The following KCNC4 variants were observed in gnomAD, a reference collection of about 807,000 sequenced individuals.
KCNC4 encodes the protein voltage-gated potassium channel KCNC4.
In KCNC4, 23 loss-of-function variants were observed where a neutral mutation model predicts 42.8. The observed-to-expected ratio is 0.54, with a 90% CI of 0.39 to 0.76. KCNC4 has a LOEUF of 0.76. Among genes scored for constraint, KCNC4 ranks in the 30% least tolerant of loss-of-function variants. The pLI is 0.00. For missense variants in KCNC4, 751 were observed against 898.2 expected, an observed-to-expected ratio of 0.84 and a Z score of 2.10; for synonymous variants, 422 against 393.5, an observed-to-expected ratio of 1.07 and a Z score of -0.86.
At chr1:110,232,467 C>T in intron 3 of KCNC4, 1 of 1,448,524 alleles carries the variant, frequency 6.9e-7, no homozygotes, top group African/African-American at 1.4e-5. Flanking sequence ...CTGTGAGCCA[C>T]AGGCCACATC....
At chr1:110,226,624 C>T (rs1244905485) in intron 3 of KCNC4, among the ~76,000 whole-genome samples, 1 of 152,210 alleles carries the variant, frequency 6.6e-6, no homozygotes, top group African/African-American at 2.4e-5. Context: ...TCAGGGAGCC[C>T]CACACAGGCC....
chr1:110,276,470 C>A (rs1031463985), intron 1 of KCNC4, among the ~76,000 whole-genome samples: 3 of 151,994 alleles, frequency 2.0e-5, no homozygotes, highest in Admixed American at 2.0e-4. Flanking sequence ...GAGAGGGAGC[C>A]CTGCCTAGTC....
exon 4 of KCNC4, chr1:110,239,727 T>G (rs906509240): frequency 1.3e-5 from 2 of 152,202 alleles, no homozygotes; most frequent in Non-Finnish European, 2.9e-5. Context: ...ACATGAACGC[T>G]CTTCTTTTTA....
At chr1:110,254,838 G>A (rs926642504) in intron 1 of KCNC4, among the ~76,000 whole-genome samples, 2 of 152,250 alleles carry the variant, frequency 1.3e-5, no homozygotes, top group Admixed American at 6.5e-5. Context: ...GCCTCTGGGA[G>A]GCCCACAAGA....
rs149856300 is a variant in KCNC4 at position 110,257,969 on chromosome 1, G to T, written n.31-24565G>T. Among the ~76,000 whole-genome samples, 468 of 152,308 alleles carry T rather than the reference G, an allele frequency of 3.1e-3. 2 individuals carry two copies. Among genetic ancestry groups the T allele is most frequent in the African/African-American group, 9.6e-3 (400 of 41,570 alleles). ...CATGCATGCCTGACCTGTCTGCCCC[G>T]TTAGGAGTCTTTCTGCAATCCCATC... On this transcript the variant is annotated intron_variant and non_coding_transcript_variant, in intron 1 of 2. Coordinates refer to the KCNC4 transcript ENST00000412512.
At chr1:110,271,899 G>A (rs1659642994) in intron 1 of KCNC4, among the ~76,000 whole-genome samples, 1 of 152,066 alleles carries the variant, frequency 6.6e-6, no homozygotes, top group Non-Finnish European at 1.5e-5. Context: ...ACACATGAAA[G>A]GCTAAGACTC....
downstream of KCNC4, among the ~76,000 whole-genome samples, chr1:110,252,213 A>G (rs1033771050): frequency 2.6e-5 from 4 of 152,198 alleles, no homozygotes; most frequent in African/African-American, 7.2e-5. Context: ...CTAGCTAGGG[A>G]AGGATGTCCA....
intron 1 of KCNC4, among the ~76,000 whole-genome samples, chr1:110,269,483 C>T (rs1009512064): frequency 6.6e-6 from 1 of 152,138 alleles, no homozygotes; most frequent in African/African-American, 2.4e-5. Flanking sequence ...TTGTTGCAAG[C>T]AGCAGTAGTC....
chr1:110,216,663 A>G (rs950550162), intron 1 of KCNC4, among the ~76,000 whole-genome samples: 1 of 152,122 alleles, frequency 6.6e-6, no homozygotes, highest in Non-Finnish European at 1.5e-5. Flanking sequence ...TGAGGGTAGG[A>G]GACCCTGGGC....
intron 1 of KCNC4, among the ~76,000 whole-genome samples, chr1:110,260,811 T>C (rs1659411631): frequency 6.6e-6 from 1 of 152,206 alleles, no homozygotes; most frequent in South Asian, 2.1e-4. Context: ...GCGCTTGTAG[T>C]CCCAGCTACT....
rs183740896 is a variant in KCNC4, at chr1:110,215,851, C to G, written c.678+3674C>G. Among the ~76,000 whole-genome samples, 552 of 152,326 alleles carry G rather than the reference C, an allele frequency of 3.6e-3. 1 individual carries two copies. Among genetic ancestry groups the G allele is most frequent in the Non-Finnish European group, 5.1e-3 (346 of 68,020 alleles). ...CTTGTGGTAGAACTAGGATCCAAACCTAGGTCTCATCAATCTAAGTCTGTG... is the reference window on the plus strand; with the variant it reads ...CTTGTGGTAGAACTAGGATCCAAACGTAGGTCTCATCAATCTAAGTCTGTG... On this transcript the variant is annotated intron_variant, in intron 1 of 3. Coordinates refer to ENST00000438661, the MANE Select transcript of KCNC4 (RefSeq NM_001039574.3).
At chr1:110,277,331 A>T (rs890091006) in intron 1 of KCNC4, among the ~76,000 whole-genome samples, 1 of 152,248 alleles carries the variant, frequency 6.6e-6, no homozygotes, top group Non-Finnish European at 1.5e-5. Context: ...TTTTAATGCC[A>T]CGGGCAACTC....
At chr1:110,234,669 G>T (rs1658859294), downstream of KCNC4, 1 of 152,216 alleles carries the variant, frequency 6.6e-6, no homozygotes, top group Non-Finnish European at 1.5e-5. Context: ...ACTCAGAAGG[G>T]CCCCATGCTG....
downstream of KCNC4, chr1:110,234,312 T>C (rs1658849428): frequency 6.6e-6 from 1 of 152,078 alleles, no homozygotes; most frequent in African/African-American, 2.4e-5. Flanking sequence ...GCCCCTGCCA[T>C]AACATGGAAG....
rs1411882826 is a variant in KCNC4 at position 110,233,174 on chromosome 1, A to C, written c.*202A>C. 2 of 621,524 alleles carry C rather than the reference A, an allele frequency of 3.2e-6. No individual in the cohort carries two copies. The highest frequency in any genetic ancestry group is 5.5e-5 in the East Asian group (2 of 36,648). 38.5% of individuals were successfully genotyped at this position (621,524 alleles called of 1,614,324 possible). ...TTCTGTTCCATTGTACATCGAAGAG[A>C]TATATATGCACATATAGTATCTATA... On this transcript the variant is annotated 3_prime_UTR_variant, in exon 4 of 4. Coordinates refer to ENST00000438661, the MANE Select transcript of KCNC4 (RefSeq NM_001039574.3).
downstream of KCNC4, chr1:110,236,081 T>G (rs1415930652): frequency 6.6e-6 from 1 of 152,220 alleles, no homozygotes; most frequent in Non-Finnish European, 1.5e-5. Context: ...ATGACCAGTT[T>G]GGTTTGATGA....
At chr1:110,252,350 C>T (rs1193770046), downstream of KCNC4, among the ~76,000 whole-genome samples, 1 of 151,590 alleles carries the variant, frequency 6.6e-6, no homozygotes, top group Non-Finnish European at 1.5e-5. Flanking sequence ...CTCTGAATTC[C>T]TTCCCTACCT....
chr1:110,228,087 A>G (rs911777592), intron 3 of KCNC4, among the ~76,000 whole-genome samples: 7 of 152,076 alleles, frequency 4.6e-5, no homozygotes, highest in African/African-American at 9.7e-5. Flanking sequence ...CAAACTCCCA[A>G]TGCACACTCG....
At chr1:110,277,727 C>T (rs1557876798) in intron 1 of KCNC4, among the ~76,000 whole-genome samples, 1 of 152,220 alleles carries the variant, frequency 6.6e-6, no homozygotes, top group Non-Finnish European at 1.5e-5. Context: ...AGCCCTCCTC[C>T]AATTAAATGT....
Sources: allele counts gnomAD v4.1 joint callset (sites outside exome capture counted in the v4.1 genomes callset), GRCh38; gene constraint gnomAD v4.1.1; transcripts MANE v1.5; gene names NCBI Gene and HGNC (gene_info 2026-07-23, HGNC 2026-07-21).